Variants in SMAD1 observed in about 807,000 individuals in gnomAD.
The protein encoded by SMAD1 is MAD, mothers against decapentaplegic homolog 1.
A neutral mutation model predicts 41.6 loss-of-function variants in SMAD1; 6 were observed. The ratio of observed to expected loss-of-function variants is 0.14; its 90% CI spans 0.08 to 0.28. SMAD1 has a LOEUF of 0.28. Among genes scored for constraint, SMAD1 ranks in the 10% least tolerant of loss-of-function variants. The pLI is 1.00. For missense variants in SMAD1, 379 were observed against 582.6 expected (o/e 0.65, Z 3.60); for synonymous variants, 206 against 203.2 (o/e 1.01, Z -0.12).
chr4:145,546,628 A>G (rs1323762904), intron 4 of SMAD1, 75 bp from the exon 5 acceptor site: 3 of 1,037,826 alleles, frequency 2.9e-6, no homozygotes, highest in Non-Finnish European at 4.6e-6. Flanking sequence ...TCCTGAGCCA[A>G]TTCAACAACA....
intron 1 of SMAD1, among the ~76,000 whole-genome samples, chr4:145,500,985 C>T (rs1486532047): frequency 6.6e-6 from 1 of 152,134 alleles, no homozygotes; most frequent in East Asian, 1.9e-4. Context: ...CAAAGTACAG[C>T]TACTAAGTGG....
intron 1 of SMAD1, among the ~76,000 whole-genome samples, chr4:145,505,482 G>A (rs2126359002): frequency 6.6e-6 from 1 of 152,214 alleles, no homozygotes; most frequent in Non-Finnish European, 1.5e-5. Context: ...AGCTGGGCGT[G>A]GTGGTGGGCA....
intron 5 of SMAD1, among the ~76,000 whole-genome samples, chr4:145,551,193 T>C (rs1188864665): frequency 6.6e-6 from 1 of 152,204 alleles, no homozygotes; most frequent in African/African-American, 2.4e-5. Flanking sequence ...AAACTCAGAC[T>C]ATACTGTTAT....
intron 3 of SMAD1, among the ~76,000 whole-genome samples, chr4:145,540,575 A>G (rs1731867411): frequency 6.6e-6 from 1 of 152,262 alleles, no homozygotes. Flanking sequence ...AGGAATTACA[A>G]CAGAAGTACT....
At chr4:145,513,966 G>A (rs559757232) in intron 1 of SMAD1, among the ~76,000 whole-genome samples, 3 of 152,292 alleles carry the variant, frequency 2.0e-5, no homozygotes, top group African/African-American at 7.2e-5. Flanking sequence ...ATATTAGTCT[G>A]CTTTGGTTGC....
intron 2 of SMAD1, among the ~76,000 whole-genome samples, chr4:145,522,613 G>A (rs985178010): frequency 1.3e-5 from 2 of 152,006 alleles, no homozygotes; most frequent in Admixed American, 6.6e-5. Context: ...AAAAACAAAT[G>A]GAAATCTTTA....
chr4:145,542,577 T>C lies in SMAD1; in HGVS notation c.659-5T>C, dbSNP rs372109815. The C allele has an allele frequency of 1.3e-6, 2 of 1,585,810 alleles. No homozygotes were observed. Among genetic ancestry groups the C allele is most frequent in the Non-Finnish European group, 1.7e-6 (2 of 1,162,514 alleles). On this transcript the variant is annotated splice_polypyrimidine_tract_variant and splice_region_variant and intron_variant, in intron 3 of 6. Transcript: ENST00000302085. ...TAAGAAATAACTTCTTTAAAAACTT[T>C]GTAGCTGATACGCCCCCACCTGCTT... is the stretch of plus-strand genomic sequence containing the variant.
Position 145,546,684 on chromosome 4 carries a change from A to C in SMAD1, c.776-19A>C. 2 of 1,588,206 alleles carry C rather than the reference A, an allele frequency of 1.3e-6. No homozygotes were observed. The highest frequency in any genetic ancestry group is 1.7e-6 in the Non-Finnish European group (2 of 1,158,056). ...CTGAGGCACTAACCTTGGTTGATATAACATTTTCTTTCCTCTAGATGTTCA... is the reference window on the plus strand; with the variant it reads ...CTGAGGCACTAACCTTGGTTGATATCACATTTTCTTTCCTCTAGATGTTCA... On this transcript the variant is annotated intron_variant, in intron 4 of 6. Coordinates refer to ENST00000302085, the MANE Select transcript of SMAD1 (RefSeq NM_005900.3).
chr4:145,508,639 G>T (rs1257453221), intron 1 of SMAD1, among the ~76,000 whole-genome samples: 1 of 152,080 alleles, frequency 6.6e-6, no homozygotes, highest in African/African-American at 2.4e-5. Flanking sequence ...GGAAAAAAAT[G>T]TTCTGAAATC....
At chr4:145,531,850 T>C (rs2126485027) in intron 2 of SMAD1, among the ~76,000 whole-genome samples, 1 of 152,084 alleles carries the variant, frequency 6.6e-6, no homozygotes, top group East Asian at 1.9e-4. Flanking sequence ...GTTACTTCTA[T>C]ATGGGCAAAC....
At position 145,558,436 on chromosome 4, in the gene SMAD1, A is replaced by G. The variant is rs1448997877; in HGVS notation, c.*502A>G. On this transcript the variant is annotated 3_prime_UTR_variant, in exon 7 of 7. Coordinates refer to ENST00000302085, the MANE Select transcript of SMAD1 (RefSeq NM_005900.3). ...GCGATGGTTTTGTTCGTTTAAGTAA[A>G]GGTTAATCTTGATGATATACATAAT... Among the ~76,000 whole-genome samples, 3 of 152,230 alleles carry G rather than the reference A, an allele frequency of 2.0e-5. No homozygotes were observed. The highest frequency in any genetic ancestry group is 4.1e-4 in the South Asian group (2 of 4,834).
At chr4:145,529,400 C>A (rs1450676024) in intron 2 of SMAD1, among the ~76,000 whole-genome samples, 1 of 152,196 alleles carries the variant, frequency 6.6e-6, no homozygotes, top group Non-Finnish European at 1.5e-5. Context: ...AGAGAGGGAA[C>A]TAGGTTTGAC....
chr4:145,513,656 G>C (rs1015395700), intron 1 of SMAD1, among the ~76,000 whole-genome samples: 1 of 152,076 alleles, frequency 6.6e-6, no homozygotes, highest in African/African-American at 2.4e-5. Flanking sequence ...TTTAGCCTAA[G>C]AAATATTTGT....
At chr4:145,489,494 A>G (rs1323423514) in intron 1 of SMAD1, among the ~76,000 whole-genome samples, 9 of 152,236 alleles carry the variant, frequency 5.9e-5, no homozygotes, top group Admixed American at 2.6e-4. Context: ...AAATAAAACA[A>G]AAAACCATGA....
At chr4:145,502,319 A>G (rs372467323) in intron 1 of SMAD1, among the ~76,000 whole-genome samples, 12 of 152,180 alleles carry the variant, frequency 7.9e-5, no homozygotes, top group African/African-American at 2.9e-4. Context: ...ACAAGCATGA[A>G]TTTGGGAATG....
At chr4:145,521,326 A>G (rs573110241) in intron 2 of SMAD1, among the ~76,000 whole-genome samples, 25 of 149,078 alleles carry the variant, frequency 1.7e-4, no homozygotes, top group African/African-American at 6.1e-4. Flanking sequence ...GCCATTGGCC[A>G]TTTTTTTTTT....
intron 2 of SMAD1, among the ~76,000 whole-genome samples, chr4:145,521,217 A>T (rs556859530): frequency 6.6e-6 from 1 of 152,266 alleles, no homozygotes; most frequent in South Asian, 2.1e-4. Flanking sequence ...TACCAGAGTA[A>T]ATGCTGACAG....
chr4:145,556,571 C>A (rs187773459), intron 6 of SMAD1, among the ~76,000 whole-genome samples: 64 of 152,182 alleles, frequency 4.2e-4, no homozygotes, highest in Non-Finnish European at 7.1e-4. Context: ...ATTCTCCTGC[C>A]TCAGCCTCCC....
At chr4:145,530,079 GACACT>G (rs1200498833) in intron 2 of SMAD1, among the ~76,000 whole-genome samples, 2 of 152,188 alleles carry the variant, frequency 1.3e-5, no homozygotes, top group African/African-American at 4.8e-5. Flanking sequence ...TTAGGTGCCA[GACACT>G]GGCACCTATT....
Sources: gnomAD v4.1 joint callset for allele counts (sites outside exome capture counted in the v4.1 genomes callset) on GRCh38, gnomAD v4.1.1 for gene constraint, MANE v1.5 for transcripts, NCBI Gene and HGNC (gene_info 2026-07-23, HGNC 2026-07-21) for gene names.